Variants in STIM1 observed in about 807,000 individuals in gnomAD.
The protein encoded by STIM1 is stromal interaction molecule 1.
Under a neutral mutation model 74.7 loss-of-function variants are expected in STIM1, and 25 were observed. The ratio of observed to expected loss-of-function variants is 0.33; its 90% CI spans 0.24 to 0.47. The LOEUF (loss-of-function observed/expected upper bound fraction) is 0.47. Ranked by LOEUF, STIM1 falls within the 20% of genes least tolerant of loss-of-function variation. The pLI is 1.00. For missense variants in STIM1, 728 were observed against 920.8 expected (o/e 0.79, Z 2.71); for synonymous variants, 328 against 348.8 (o/e 0.94, Z 0.66).
intron 1 of STIM1, among the ~76,000 whole-genome samples, chr11:3,963,250 T>C (rs542553988): frequency 1.3e-5 from 2 of 152,224 alleles, no homozygotes; most frequent in African/African-American, 4.8e-5. Context: ...CCCTCCACCC[T>C]CCGAAAGGCC....
intron 1 of STIM1, among the ~76,000 whole-genome samples, chr11:3,879,493 TATA>T (rs913182003): frequency 3.9e-5 from 6 of 152,234 alleles, no homozygotes; most frequent in African/African-American, 1.4e-4. Flanking sequence ...GTAGTCATAT[TATA>T]ATAACTCCCC....
chr11:3,941,653 C>CATATATATAT lies in STIM1; in HGVS notation c.140-25887_140-25878dup, dbSNP rs56890594. Among the ~76,000 whole-genome samples, 25 of 122,782 alleles carry CATATATATAT rather than the reference C, an allele frequency of 2.0e-4. No homozygotes were observed. The East Asian group carries it at 3.0e-3, about 15-fold the overall frequency. 80.5% of individuals were successfully genotyped at this position (122,782 alleles called of 152,430 possible). On this transcript the variant is annotated intron_variant, in intron 1 of 12. Transcript: ENST00000526596. Reference sequence around the variant, plus strand: ...TATAGAGAGATAGTGTGTGTGTATACATATATATATATATATATATAGAGA... The same window carrying CATATATATAT: ...TATAGAGAGATAGTGTGTGTGTATACATATATATATATATATATATATATATATATAGAGA...
At chr11:4,059,007 G>C (rs1271052354) in intron 4 of STIM1, 5 of 1,112,642 alleles carry the variant, frequency 4.5e-6, no homozygotes, top group Non-Finnish European at 5.8e-6. Flanking sequence ...AATTTAGTTG[G>C]GTGTGGGAAT....
At position 4,074,638 on chromosome 11, in the gene STIM1, G is replaced by T; in HGVS notation, c.928G>T (p.Glu310Ter). ...GGAGCTGCGGGAGGGTACTGAGAAT[G>T]AGCGGAGCCGCCAAAAATATGCTGA... Reference protein sequence around the residue: ...LKELREGTENERSRQKYAEEE... With the variant: ...LKELREGTEN Residue 310 changes from glutamate to a stop codon, truncating the protein, a stop_gained, in exon 7 of 13, where the codon GAG becomes TAG. Coordinates refer to ENST00000526596, the MANE Select transcript of STIM1 (RefSeq NM_001382567.1). LOFTEE classifies it high-confidence loss of function. 1 of 1,587,656 alleles carries T rather than the reference G, an allele frequency of 6.3e-7. No homozygotes were observed. Among genetic ancestry groups the T allele is most frequent in the South Asian group, 1.1e-5 (1 of 87,960 alleles).
intron 1 of STIM1, among the ~76,000 whole-genome samples, chr11:3,914,266 G>A (rs1204217883): frequency 6.6e-6 from 1 of 151,224 alleles, no homozygotes; most frequent in East Asian, 1.9e-4. Flanking sequence ...TTAGCATAAT[G>A]TTTTCAAGGT....
chr11:3,861,121 C>G (rs2090580768), intron 1 of STIM1, among the ~76,000 whole-genome samples: 1 of 151,890 alleles, frequency 6.6e-6, no homozygotes, highest in Non-Finnish European at 1.5e-5. Flanking sequence ...TCTGGTTTCA[C>G]TGTTTGGTAG....
chr11:3,912,270 C>G (rs535874673), intron 1 of STIM1, among the ~76,000 whole-genome samples: 1 of 145,528 alleles, frequency 6.9e-6, no homozygotes, highest in East Asian at 2.1e-4. Context: ...CCTCCCCTCC[C>G]CTCTCTTCCC....
chr11:4,042,003 C>T (rs766088516), intron 3 of STIM1, among the ~76,000 whole-genome samples: 3 of 152,228 alleles, frequency 2.0e-5, no homozygotes, highest in Non-Finnish European at 2.9e-5. Context: ...ACCTTCCTGC[C>T]AGACCTCATT....
At chr11:3,869,125 T>C (rs2090978608) in intron 1 of STIM1, among the ~76,000 whole-genome samples, 1 of 152,116 alleles carries the variant, frequency 6.6e-6, no homozygotes, top group South Asian at 2.1e-4. Flanking sequence ...CCAGCCACCA[T>C]GCTCGGTTAA....
rs761292983 is a variant in STIM1 at position 4,082,397 on chromosome 11, C to A, written c.1137+46C>A. The A allele has an allele frequency of 7.7e-6, 12 of 1,550,018 alleles. No individual in the cohort carries two copies. The Admixed American group carries it at 1.9e-4, about 25-fold the overall frequency. ...GTCCTCTTTTCTCCTTTTTGCCCTT[C>A]TCCTTTTTACCTGCATATCTTCCTC... On this transcript the variant is annotated intron_variant, in intron 8 of 12. Transcript: ENST00000526596.
intron 2 of STIM1, among the ~76,000 whole-genome samples, chr11:4,006,649 A>C (rs2093784569): frequency 6.6e-6 from 1 of 152,146 alleles, no homozygotes. Context: ...CCTGACCTCA[A>C]GTGATCTGCC....
intron 1 of STIM1, among the ~76,000 whole-genome samples, chr11:3,903,113 T>C (rs943247486): frequency 3.3e-5 from 5 of 152,196 alleles, no homozygotes; most frequent in Admixed American, 2.6e-4. Context: ...GTACCAACCC[T>C]ATGAAAGTAG....
At chr11:4,084,597 T>C (rs1214103930) in intron 10 of STIM1, 76 bp from the exon 11 acceptor site, 4 of 1,194,782 alleles carry the variant, frequency 3.3e-6, no homozygotes, top group Non-Finnish European at 3.3e-6. Flanking sequence ...AGCCCTTCCT[T>C]TATTACATTG....
intron 5 of STIM1, among the ~76,000 whole-genome samples, chr11:4,068,983 G>A (rs1247340896): frequency 6.6e-6 from 1 of 152,162 alleles, no homozygotes; most frequent in Admixed American, 6.5e-5. Context: ...AGGGCAACTT[G>A]CTGTGCACAG....
intron 2 of STIM1, among the ~76,000 whole-genome samples, chr11:3,984,593 G>A (rs908880093): frequency 6.6e-6 from 1 of 152,192 alleles, no homozygotes; most frequent in African/African-American, 2.4e-5. Context: ...TTGAGTTCAA[G>A]TTATTTGGCC....
At chr11:4,050,452 A>G (rs2094230554) in intron 3 of STIM1, among the ~76,000 whole-genome samples, 1 of 152,364 alleles carries the variant, frequency 6.6e-6, no homozygotes, top group East Asian at 1.9e-4. Flanking sequence ...CAATTGGGAC[A>G]GTTCTTGTCT....
chr11:3,867,369 T>C (rs2090900670), intron 1 of STIM1: 1 of 152,254 alleles, frequency 6.6e-6, no homozygotes, highest in Non-Finnish European at 1.5e-5. Flanking sequence ...GAAGAGGACA[T>C]GAAACCTGTA....
In STIM1 at chr11:3,858,233, G is replaced by GT. The variant is rs370455770; in HGVS notation, c.139+1837dup. Among the ~76,000 whole-genome samples the GT allele has an allele frequency of 3.4e-3, 499 of 146,026 alleles. 3 individuals are homozygous for GT. The highest frequency in any genetic ancestry group is 9.9e-3 in the African/African-American group (392 of 39,648). On this transcript the variant is annotated intron_variant, in intron 1 of 12. Coordinates refer to ENST00000526596, the MANE Select transcript of STIM1 (RefSeq NM_001382567.1). ...TAGACATTGGCTGGCTATTAGGAAG[G>GT]TTTTTTTTTTTTTGTTTTTTGTTTT...
At chr11:3,964,596 GGAGGCCCCAA>G (rs1159741341) in intron 1 of STIM1, among the ~76,000 whole-genome samples, 2 of 152,182 alleles carry the variant, frequency 1.3e-5, no homozygotes, top group East Asian at 3.8e-4. Flanking sequence ...GGTGCAGCCT[GGAGGCCCCAA>G]ACCCTAGAGC....
Sources: allele counts gnomAD v4.1 joint callset (sites outside exome capture counted in the v4.1 genomes callset), GRCh38; gene constraint gnomAD v4.1.1; transcripts MANE v1.5; gene names NCBI Gene and HGNC (gene_info 2026-07-23, HGNC 2026-07-21).